Variants in HS3ST5 observed in about 807,000 individuals in gnomAD.
HS3ST5 encodes the protein heparan sulfate-glucosamine 3-sulfotransferase 5.
HS3ST5 carries 10 observed loss-of-function variants against 25.4 expected under a neutral mutation model. The ratio of observed to expected loss-of-function variants is 0.39; its 90% confidence interval spans 0.24 to 0.67. The LOEUF is 0.67. Ranked by LOEUF, HS3ST5 falls within the 30% of genes least tolerant of loss-of-function variation. HS3ST5 has a pLI of 0.44. For missense variants in HS3ST5, 324 were observed against 420.7 expected (o/e 0.77, Z 2.01); for synonymous variants, 170 against 162.4 (o/e 1.05, Z -0.36).
intron 2 of HS3ST5, among the ~76,000 whole-genome samples, chr6:114,190,315 T>C (rs1025099764): frequency 2.0e-5 from 3 of 152,300 alleles, no homozygotes; most frequent in Admixed American, 1.3e-4. Flanking sequence ...GGAAGTCCTT[T>C]GGTGGAAACT....
At chr6:114,166,084 A>G (rs1779197533) in intron 3 of HS3ST5, among the ~76,000 whole-genome samples, 1 of 151,482 alleles carries the variant, frequency 6.6e-6, no homozygotes, top group African/African-American at 2.4e-5. Context: ...TTAAGTGTTC[A>G]AAACTGCTCA....
chr6:114,244,493 C>T (rs956822550), intron 1 of HS3ST5, among the ~76,000 whole-genome samples: 8 of 152,190 alleles, frequency 5.3e-5, no homozygotes, highest in Non-Finnish European at 7.4e-5. Flanking sequence ...TTAAATAATA[C>T]GGTGGATGTT....
intron 2 of HS3ST5, among the ~76,000 whole-genome samples, chr6:114,211,863 A>C (rs1781522337): frequency 6.6e-6 from 1 of 152,268 alleles, no homozygotes; most frequent in East Asian, 1.9e-4. Flanking sequence ...GTAATTGCTA[A>C]TGCCTAAAAC....
At chr6:114,239,235 T>C (rs1473535010) in intron 1 of HS3ST5, 1 of 152,196 alleles carries the variant, frequency 6.6e-6, no homozygotes, top group African/African-American at 2.4e-5. Flanking sequence ...TATCATTAAT[T>C]TTCAGTTAGC....
At chr6:114,130,651 G>A (rs1166921304) in intron 3 of HS3ST5, among the ~76,000 whole-genome samples, 1 of 152,086 alleles carries the variant, frequency 6.6e-6, no homozygotes, top group Non-Finnish European at 1.5e-5. Context: ...CTCACTGCAA[G>A]CTCCGCCTCC....
At chr6:114,214,307 C>G (rs965627968) in intron 2 of HS3ST5, among the ~76,000 whole-genome samples, 1 of 152,060 alleles carries the variant, frequency 6.6e-6, no homozygotes, top group African/African-American at 2.4e-5. Context: ...TTTGAATTTC[C>G]CCAGTTTTTC....
intron 2 of HS3ST5, among the ~76,000 whole-genome samples, chr6:114,195,530 T>C (rs1334438472): frequency 6.6e-6 from 1 of 152,108 alleles, no homozygotes; most frequent in East Asian, 1.9e-4. Flanking sequence ...CCACACTAAA[T>C]ACACCTGTGT....
chr6:114,300,567 G>C (rs939696758), intron 1 of HS3ST5, among the ~76,000 whole-genome samples: 1 of 152,064 alleles, frequency 6.6e-6, no homozygotes, highest in Admixed American at 6.6e-5. Flanking sequence ...TTATAAAACG[G>C]CACAACCACT....
intron 2 of HS3ST5, among the ~76,000 whole-genome samples, chr6:114,200,767 A>G (rs1437998719): frequency 1.3e-5 from 2 of 152,198 alleles, no homozygotes; most frequent in Admixed American, 6.6e-5. Context: ...AAGAATGAGA[A>G]TTAAGAAAAT....
At chr6:114,158,466 T>C (rs143187379) in intron 3 of HS3ST5, among the ~76,000 whole-genome samples, 245 of 152,278 alleles carry the variant, frequency 1.6e-3, no homozygotes, top group Non-Finnish European at 2.5e-3. Context: ...ATTATTAACA[T>C]GTGTGAAGTG....
chr6:114,164,079 C>A lies in HS3ST5; in HGVS notation c.-33+4272G>T, dbSNP rs893120271. ...ATTATAATTCTCATGAGTCTTCTCA[C>A]AGACATCCTGTTATATGTCAAAGAA... On this transcript the variant is annotated intron_variant, in intron 3 of 4. Coordinates refer to ENST00000312719, the MANE Select transcript of HS3ST5 (RefSeq NM_153612.4). 7.9e-5 allele frequency among the ~76,000 whole-genome samples: 12 copies of A among 152,224 alleles called. No individual in the cohort carries two copies. The East Asian group carries it at 1.4e-3, about 17-fold the overall frequency.
At chr6:114,260,147 A>G (rs1331949257) in intron 1 of HS3ST5, among the ~76,000 whole-genome samples, 1 of 151,948 alleles carries the variant, frequency 6.6e-6, no homozygotes, top group Non-Finnish European at 1.5e-5. Flanking sequence ...ATTCAATATC[A>G]TAATGTTTCT....
At chr6:114,278,763 A>C (rs1224702979) in intron 1 of HS3ST5, among the ~76,000 whole-genome samples, 1 of 152,062 alleles carries the variant, frequency 6.6e-6, no homozygotes, top group Non-Finnish European at 1.5e-5. Flanking sequence ...GACGAAGGCT[A>C]GGGGAACATA....
chr6:114,304,083 A>ATTTTTT, intron 1 of HS3ST5, among the ~76,000 whole-genome samples: 1 of 152,120 alleles, frequency 6.6e-6, no homozygotes, highest in African/African-American at 2.4e-5. Context: ...TCTGGGAGAA[A>ATTTTTT]TACAAGATGT....
chr6:114,104,756 G>A (rs1775907563), intron 3 of HS3ST5, among the ~76,000 whole-genome samples: 1 of 152,188 alleles, frequency 6.6e-6, no homozygotes, highest in African/African-American at 2.4e-5. Context: ...TTTGGTTCAA[G>A]TTACCCATGG....
chr6:114,141,839 CTCTA>C (rs1285800490), intron 3 of HS3ST5, among the ~76,000 whole-genome samples: 11 of 147,208 alleles, frequency 7.5e-5, no homozygotes, highest in Admixed American at 1.4e-4. Flanking sequence ...CAGCTTTCTG[CTCTA>C]TCTAAGATGA....
chr6:114,128,908 TG>T (rs1217930372), intron 3 of HS3ST5, among the ~76,000 whole-genome samples: 3 of 152,220 alleles, frequency 2.0e-5, no homozygotes, highest in Admixed American at 2.0e-4. Context: ...GAAAAACTGC[TG>T]CTAAGGCTTG....
At chr6:114,180,256 A>G (rs1340781493) in intron 2 of HS3ST5, among the ~76,000 whole-genome samples, 1 of 152,168 alleles carries the variant, frequency 6.6e-6, no homozygotes, top group African/African-American at 2.4e-5. Context: ...TGGGGATCCT[A>G]TACTGCACAT....
chr6:114,185,033 C>T (rs1331628548), intron 2 of HS3ST5, among the ~76,000 whole-genome samples: 1 of 152,154 alleles, frequency 6.6e-6, no homozygotes, highest in Non-Finnish European at 1.5e-5. Context: ...TTCCTTGAGA[C>T]TCACCCAAAT....
Sources: gnomAD v4.1 joint callset for allele counts (sites outside exome capture counted in the v4.1 genomes callset) on GRCh38, gnomAD v4.1.1 for gene constraint, MANE v1.5 for transcripts, NCBI Gene and HGNC (gene_info 2026-07-23, HGNC 2026-07-21) for gene names.